TCF20: variants seen among roughly 807,000 people sequenced by gnomAD.
TCF20 encodes SPRE-binding protein.
TCF20 carries 3 observed loss-of-function variants against 148.6 expected under a neutral mutation model. The observed-to-expected ratio is 0.02, with a 90% CI of 0.01 to 0.05. The LOEUF is 0.05. TCF20 is among the 10% of genes least tolerant of loss of function. The pLI, the probability that TCF20 is intolerant of heterozygous loss-of-function variation, is 1.00. For synonymous variants in TCF20, 1,049 were observed against 909.5 expected, an observed-to-expected ratio of 1.15 and a Z score of -2.76; for missense variants, 2,350 against 2,429.3, an observed-to-expected ratio of 0.97 and a Z score of 0.69.
chr22:42,275,474 A>T (rs1324559439), upstream of TCF20, among the ~76,000 whole-genome samples: 1 of 152,040 alleles, frequency 6.6e-6, no homozygotes, highest in African/African-American at 2.4e-5. Context: ...CAGTGGCTGG[A>T]CTCTCATCGG....
intron 1 of TCF20, among the ~76,000 whole-genome samples, chr22:42,263,043 C>T (rs1926106665): frequency 6.6e-6 from 1 of 152,250 alleles, no homozygotes; most frequent in South Asian, 2.1e-4. Context: ...CAGTCCACTT[C>T]ACCATATACT....
chr22:42,200,048 G>A (rs1007086021), intron 2 of TCF20, among the ~76,000 whole-genome samples: 17 of 151,748 alleles, frequency 1.1e-4, no homozygotes, highest in Admixed American at 1.1e-3. Context: ...AAATTTATCA[G>A]TTTACATCTA....
At chr22:42,174,044 G>A (rs931353051) in intron 3 of TCF20, among the ~76,000 whole-genome samples, 4 of 152,130 alleles carry the variant, frequency 2.6e-5, no homozygotes, top group African/African-American at 9.7e-5. Context: ...GCGCTTCTCT[G>A]CTGGTGGGCT....
intron 1 of TCF20, among the ~76,000 whole-genome samples, chr22:42,324,537 G>T (rs1025924998): frequency 8.6e-5 from 13 of 151,304 alleles, no homozygotes; most frequent in African/African-American, 2.9e-4. Context: ...CACCAACCGA[G>T]AAAATAATCT....
intron 1 of TCF20, among the ~76,000 whole-genome samples, chr22:42,237,068 A>G (rs2147295696): frequency 6.7e-6 from 1 of 148,462 alleles, no homozygotes; most frequent in Middle Eastern, 3.4e-3. Flanking sequence ...ACACCCATGA[A>G]GTCTGACGCA....
chr22:42,219,438 T>A (rs1922147553), intron 1 of TCF20, among the ~76,000 whole-genome samples: 1 of 146,802 alleles, frequency 6.8e-6, no homozygotes, highest in Admixed American at 6.8e-5. Flanking sequence ...ATCAGTGTAG[T>A]CAGTTTTAAA....
intron 2 of TCF20, among the ~76,000 whole-genome samples, chr22:42,200,080 CAAGCAGTTATTTAA>C (rs1937897300): frequency 6.6e-6 from 1 of 152,098 alleles, no homozygotes; most frequent in Non-Finnish European, 1.5e-5. Flanking sequence ...AAATAAAAAG[CAAGCAGTTATTTAA>C]AATGCTGTAT....
chr22:42,294,122 C>A (rs1244335118), intron 1 of TCF20, among the ~76,000 whole-genome samples: 2 of 152,158 alleles, frequency 1.3e-5, no homozygotes, highest in African/African-American at 4.8e-5. Flanking sequence ...GGAACATCCC[C>A]GCAGGGCCAG....
intron 1 of TCF20, among the ~76,000 whole-genome samples, chr22:42,281,380 T>G (rs1332036425): frequency 6.6e-6 from 1 of 152,194 alleles, no homozygotes; most frequent in Non-Finnish European, 1.5e-5. Context: ...CACCGCCCAG[T>G]CTGTCATCAG....
intron 1 of TCF20, among the ~76,000 whole-genome samples, chr22:42,306,756 C>T (rs897644715): frequency 1.3e-5 from 2 of 152,210 alleles, no homozygotes; most frequent in East Asian, 1.9e-4. Context: ...CTGAGAGGAG[C>T]GTCCAGGTTT....
intron 1 of TCF20, among the ~76,000 whole-genome samples, chr22:42,318,264 T>G (rs1927669507): frequency 1.3e-5 from 2 of 152,228 alleles, no homozygotes; most frequent in South Asian, 4.1e-4. Context: ...CCAGTTGCCA[T>G]GGAAACCACA....
At chr22:42,329,835 C>T (rs1046153754) in intron 1 of TCF20, among the ~76,000 whole-genome samples, 1 of 152,140 alleles carries the variant, frequency 6.6e-6, no homozygotes, top group Non-Finnish European at 1.5e-5. Flanking sequence ...CCTGCCCCAT[C>T]CCCAAGCAAA....
chr22:42,192,840 G>C (rs1406618499), intron 2 of TCF20, among the ~76,000 whole-genome samples: 2 of 152,174 alleles, frequency 1.3e-5, no homozygotes, highest in Admixed American at 6.5e-5. Context: ...CACTAGAATG[G>C]AAACTTTGGC....
intron 2 of TCF20, among the ~76,000 whole-genome samples, chr22:42,190,124 G>T (rs1401456488): frequency 6.6e-6 from 1 of 152,028 alleles, no homozygotes; most frequent in Non-Finnish European, 1.5e-5. Context: ...GGGCACGGTG[G>T]GGGTATCTTC....
chr22:42,214,926 C>A lies in TCF20; in HGVS notation c.380G>T (p.Gly127Val). The A allele has an allele frequency of 1.2e-6, 2 of 1,614,244 alleles. No homozygotes were observed. Among genetic ancestry groups the A allele is most frequent in the Non-Finnish European group, 1.7e-6 (2 of 1,180,052 alleles). The change falls in exon 2 of 6, where the codon GGC (glycine) becomes GTC (valine). Residue 127 changes from glycine to valine, a missense_variant. Gly to Val is a moderately radical substitution (Grantham distance 109). Transcript: ENST00000677622. ...SYGPPQGSSF[G>V]NQYGSEGHVG... is the part of the protein sequence containing the mutation. ...ATGACCCTCACTCCCATACTGATTG[C>A]CAAAGCTGCTCCCCTGGGGGGGTCC... is the stretch of plus-strand genomic sequence containing the variant.
intron 1 of TCF20, among the ~76,000 whole-genome samples, chr22:42,261,813 G>A (rs1036304708): frequency 2.0e-5 from 3 of 152,122 alleles, no homozygotes; most frequent in East Asian, 1.9e-4. Flanking sequence ...CCAACATGGT[G>A]GAACCTGTCT....
chr22:42,212,032 G>C lies in TCF20; in HGVS notation c.3274C>G (p.Gln1092Glu). ...QLHYKRQMYQ[Q>E]QPEEYKDWSS... is the part of the protein sequence containing the mutation. The stretch of plus-strand genomic sequence containing the variant: ...CAGTCTTTATACTCCTCTGGTTGCT[G>C]TTGGTACATCTGTCTCTTATAATGC... Residue 1092 changes from glutamine (Q) to glutamate (E), a missense_variant, in exon 2 of 6, where the codon CAG becomes GAG. Physicochemically the swap from Gln to Glu is conservative, Grantham distance 29 (BLOSUM62 2). Coordinates refer to ENST00000677622, the MANE Select transcript of TCF20 (RefSeq NM_001378418.1). 1 of 1,614,180 alleles carries C rather than the reference G, an allele frequency of 6.2e-7. No homozygotes were observed. The highest frequency in any genetic ancestry group is 8.5e-7 in the Non-Finnish European group (1 of 1,180,040).
intron 2 of TCF20, among the ~76,000 whole-genome samples, chr22:42,203,130 T>C (rs1938153662): frequency 6.6e-6 from 1 of 152,200 alleles, no homozygotes; most frequent in Non-Finnish European, 1.5e-5. Context: ...TATGGTCCTT[T>C]GGGATTTTTT....
intron 2 of TCF20, among the ~76,000 whole-genome samples, chr22:42,208,876 T>C (rs1330030479): frequency 3.3e-5 from 5 of 152,058 alleles, no homozygotes. Flanking sequence ...TCTCATAGAG[T>C]AGCCAACACA....
Sources: allele counts gnomAD v4.1 joint callset (sites outside exome capture counted in the v4.1 genomes callset), GRCh38; gene constraint gnomAD v4.1.1; transcripts MANE v1.5; gene names NCBI Gene and HGNC (gene_info 2026-07-23, HGNC 2026-07-21).